DNAH10: variants seen among roughly 807,000 people sequenced by gnomAD.
DNAH10 encodes dynein axonemal heavy chain 10.
Under a neutral mutation model 506.6 loss-of-function variants are expected in DNAH10, and 348 were observed. The ratio of observed to expected loss-of-function variants is 0.69; its 90% CI spans 0.63 to 0.75. The LOEUF is 0.75. DNAH10 is among the 30% of genes least tolerant of loss of function. The pLI is 0.00. For synonymous variants in DNAH10, 2,059 were observed against 2,198.6 expected (o/e 0.94, Z 1.78); for missense variants, 5,179 against 5,787.1 (o/e 0.89, Z 3.41).
chr12:123,858,772 C>G (rs181940295), intron 37 of DNAH10, among the ~76,000 whole-genome samples: 2 of 152,140 alleles, frequency 1.3e-5, no homozygotes, highest in African/African-American at 4.8e-5. Flanking sequence ...ATGCAGCACG[C>G]GTGCTACAAC....
At chr12:123,779,981 G>A (rs150026340) in intron 5 of DNAH10, among the ~76,000 whole-genome samples, 74 of 152,204 alleles carry the variant, frequency 4.9e-4, no homozygotes, top group African/African-American at 1.6e-3. Flanking sequence ...AAGTTGTTTC[G>A]TAATTGTATT....
intron 40 of DNAH10, among the ~76,000 whole-genome samples, chr12:123,865,263 AT>A (rs35559704): frequency 0.49 from 72,230 of 147,200 alleles, 17,484 homozygotes; most frequent in African/African-American, 0.51. Flanking sequence ...TTTTAATCTC[AT>A]TTTTTTTTTT....
At chr12:123,806,880 G>C (rs566075185) in intron 18 of DNAH10, among the ~76,000 whole-genome samples, 1 of 150,556 alleles carries the variant, frequency 6.6e-6, no homozygotes, top group African/African-American at 2.5e-5. Flanking sequence ...CCATTCTCCT[G>C]CCTCAGCCTC....
intron 13 of DNAH10, 23 bp from the exon 14 acceptor site, chr12:123,799,223 C>T (rs371799454): frequency 5.0e-5 from 79 of 1,583,772 alleles, no homozygotes; most frequent in Middle Eastern, 3.4e-4. Flanking sequence ...GACAAAATGA[C>T]GGTTGCTTGA....
intron 30 of DNAH10, among the ~76,000 whole-genome samples, chr12:123,844,449 T>G (rs1019207783): frequency 6.6e-6 from 1 of 152,182 alleles, no homozygotes; most frequent in African/African-American, 2.4e-5. Context: ...TTAGTGCCTC[T>G]GGAGAGGACA....
chr12:123,814,150 T>C, intron 21 of DNAH10: 3 of 349,470 alleles, frequency 8.6e-6, no homozygotes, highest in Admixed American at 4.6e-5. Flanking sequence ...CCATTCTCCC[T>C]TTTCTTTTCT....
chr12:123,870,378 C>A lies in DNAH10; in HGVS notation c.7532C>A (p.Thr2511Asn). The change falls in exon 44 of 79, where the codon ACC (threonine) becomes AAC (asparagine). Residue 2511 changes from threonine to asparagine, a missense_variant. Thr to Asn is a moderately conservative substitution (Grantham distance 65, BLOSUM62 0). Around this residue, in one of 3 missense-constraint regions of DNAH10, gnomAD observed 4,844 missense variants for 5,430.5 expected, o/e 0.89. Coordinates refer to ENST00000673944, the MANE Select transcript of DNAH10 (RefSeq NM_001372106.1). ...NPGELPGQLPTLYDFHFDNKR... is the reference protein window; with the variant it reads ...NPGELPGQLPNLYDFHFDNKR... ...TGATTTCCTGCAGGTCAACTTCCAA[C>A]CTTGTATGACTTTCATTTTGATAAC... 1 of 1,613,650 alleles carries A rather than the reference C, an allele frequency of 6.2e-7. No homozygotes were observed. Among genetic ancestry groups the A allele is most frequent in the Non-Finnish European group, 8.5e-7 (1 of 1,179,806 alleles).
At chr12:123,856,207 A>G (rs1462313961) in intron 36 of DNAH10, among the ~76,000 whole-genome samples, 3 of 147,554 alleles carry the variant, frequency 2.0e-5, no homozygotes, top group African/African-American at 7.4e-5. Flanking sequence ...ATTTTATAAA[A>G]TTTAATTTAT....
At position 123,826,686 on chromosome 12, in the gene DNAH10, G is replaced by T. The variant is rs773961120; in HGVS notation, c.4180-1G>T. 1.2e-6 allele frequency: 2 copies of T among 1,612,620 alleles called. No homozygotes were observed. On this transcript the variant is annotated splice_acceptor_variant, in intron 24 of 78. Transcript: ENST00000673944. LOFTEE classifies it high-confidence loss of function. The stretch of plus-strand genomic sequence containing the variant: ...TGGAGCTGTTCCTTGCACGTTTCCA[G>T]GTTGCAAAAGAAGAATGGTCTCAGA...
At position 123,865,931 on chromosome 12, in the gene DNAH10, G is replaced by A. The variant is rs886369106; in HGVS notation, c.7045-20G>A. The A allele has an allele frequency of 4.4e-6, 7 of 1,591,260 alleles. No homozygotes were observed. The highest frequency in any genetic ancestry group is 2.3e-5 in the East Asian group (1 of 44,148). ...CTTGTGTATAGCTATAGCCATGATT[G>A]ATTTTCTTTATTTATCCAGGTTGGA... On this transcript the variant is annotated intron_variant, in intron 40 of 78. Transcript: ENST00000673944.
At chr12:123,821,941 TCA>T (rs140390245) in intron 24 of DNAH10, among the ~76,000 whole-genome samples, 2,105 of 152,094 alleles carry the variant, frequency 0.014, 43 homozygotes, top group African/African-American at 0.047. Context: ...GCACAGTGGC[TCA>T]CACCTGTAAT....
rs748974558 is a variant in DNAH10, at chr12:123,930,523, A to G, written c.12734A>G (p.Lys4245Arg). The change falls in exon 73 of 79, where the codon AAG becomes AGG. Residue 4245 changes from lysine to arginine, a missense_variant. Lys to Arg is a conservative substitution (Grantham distance 26). Coordinates refer to ENST00000673944, the MANE Select transcript of DNAH10 (RefSeq NM_001372106.1). ...TFQPFHFFRN[K>R]EVDYKIPVGD... ...CAGCCATTCCACTTCTTCCGGAACA[A>G]GGAAGTGGACTACAAAATCCCTGTT... 1 of 1,610,098 alleles carries G rather than the reference A, an allele frequency of 6.2e-7. No homozygotes were observed. The highest frequency in any genetic ancestry group is 2.2e-5 in the East Asian group (1 of 44,746).
Position 123,788,022 on chromosome 12 carries a change from C to T in DNAH10, c.1620+20C>T, listed in dbSNP as rs1242301338. 9 of 1,553,764 alleles carry T rather than the reference C, an allele frequency of 5.8e-6. No individual in the cohort carries two copies. Among genetic ancestry groups the T allele is most frequent in the Middle Eastern group, 1.7e-4 (1 of 5,806 alleles). ...CTGCAGGTAGGGGCTGGGCGAAGGC[C>T]GGCGGAATTTGCCCCGAAGAAGGCA... is the stretch of plus-strand genomic sequence containing the variant. On this transcript the variant is annotated intron_variant, in intron 10 of 78. Transcript: ENST00000673944.
chr12:123,812,408 G>A (rs566719106), intron 19 of DNAH10, among the ~76,000 whole-genome samples: 362 of 152,158 alleles, frequency 2.4e-3, no homozygotes, highest in African/African-American at 8.4e-3. Context: ...CTGAGATTGC[G>A]CCACTGCACT....
At chr12:123,765,581 T>TATCTATCTA (rs1379495667) in intron 1 of DNAH10, among the ~76,000 whole-genome samples, 2 of 150,982 alleles carry the variant, frequency 1.3e-5, no homozygotes, top group African/African-American at 4.9e-5. Flanking sequence ...TCTATCTATC[T>TATCTATCTA]ATCTATCTAT....
At chr12:123,820,815 A>G in intron 24 of DNAH10, 57 bp downstream of exon 24, 1 of 1,577,902 alleles carries the variant, frequency 6.3e-7, no homozygotes, top group Admixed American at 1.8e-5. Flanking sequence ...TGTAGGAATT[A>G]CTTAAGCCCT....
Position 123,897,791 on chromosome 12 carries a change from C to T in DNAH10, c.9302C>T (p.Ala3101Val). 6.2e-7 allele frequency: 1 copy of T among 1,607,878 alleles called. No homozygotes were observed. The highest frequency in any genetic ancestry group is 8.5e-7 in the Non-Finnish European group (1 of 1,178,508). The change falls in exon 55 of 79, where the codon GCA becomes GTA. Residue 3101 changes from alanine (A) to valine (V), a missense_variant. Transcript: ENST00000673944. ...TCAGGGTATAATCCAATGATCCCGG[C>T]AGAAAATATAGAAAATGTGGTGAAG... ...SFLGYNPMIPAENIENVVKHV... is the reference protein window; with the variant it reads ...SFLGYNPMIPVENIENVVKHV...
intron 19 of DNAH10, among the ~76,000 whole-genome samples, chr12:123,811,222 C>T (rs916711849): frequency 2.6e-5 from 4 of 152,082 alleles, no homozygotes; most frequent in African/African-American, 7.2e-5. Context: ...CCTTCTAGTG[C>T]GTGCTGTTGG....
intron 19 of DNAH10, 128 bp downstream of exon 19, chr12:123,809,081 C>T (rs1358327591): frequency 1.8e-6 from 2 of 1,122,048 alleles, no homozygotes; most frequent in Middle Eastern, 2.8e-4. Context: ...CCTTGTGACT[C>T]AGTCATCCCC....
Sources: allele counts gnomAD v4.1 joint callset (sites outside exome capture counted in the v4.1 genomes callset), GRCh38; gene constraint gnomAD v4.1.1; regional missense constraint gnomAD v4.1.1; transcripts MANE v1.5; gene names NCBI Gene and HGNC (gene_info 2026-07-23, HGNC 2026-07-21).